The following PLEKHB1 variants were observed in gnomAD, a reference collection of about 807,000 sequenced individuals.
PLEKHB1 encodes pleckstrin homology domain containing B1.
Under a neutral mutation model 36.2 loss-of-function variants are expected in PLEKHB1, and 29 were observed. The ratio of observed to expected loss-of-function variants is 0.80; its 90% CI spans 0.60 to 1.09. The LOEUF is 1.09. PLEKHB1 is among the 50% of genes least tolerant of loss of function. PLEKHB1 has a pLI of 0.00. For synonymous variants in PLEKHB1, 138 were observed against 140.0 expected (o/e 0.99, Z 0.10); for missense variants, 330 against 348.2 (o/e 0.95, Z 0.42).
chr11:73,652,765 G>A (rs1051123356), intron 4 of PLEKHB1: 8 of 512,598 alleles, frequency 1.6e-5, no homozygotes, highest in Non-Finnish European at 2.8e-5. Flanking sequence ...GAGGGGACGA[G>A]AAGAATGAAT....
intron 5 of PLEKHB1, among the ~76,000 whole-genome samples, chr11:73,654,502 G>A (rs1438769218): frequency 6.6e-6 from 1 of 152,202 alleles, no homozygotes; most frequent in South Asian, 2.1e-4. Flanking sequence ...GCTGGGTGGG[G>A]GTTGGTATTA....
intron 5 of PLEKHB1, 85 bp from the exon 6 acceptor site, chr11:73,655,718 A>G (rs1944978829): frequency 2.5e-6 from 3 of 1,206,112 alleles, no homozygotes; most frequent in Admixed American, 3.8e-5. Context: ...GGGTCTGGAA[A>G]GAGCTCTTGA....
intron 5 of PLEKHB1, chr11:73,653,250 T>C: frequency 1.5e-6 from 1 of 658,948 alleles, no homozygotes; most frequent in East Asian, 2.7e-5. Context: ...GCACATGAGC[T>C]GGGGAGAAGG....
chr11:73,661,823 C>A lies in PLEKHB1; in HGVS notation c.*221C>A. ...ACATCGCTTGAAGTCTTCACATCTA[C>A]CACTAGACACCCCCAAAATCTGTTA... On this transcript the variant is annotated 3_prime_UTR_variant, in exon 8 of 8. Coordinates refer to ENST00000354190, the MANE Select transcript of PLEKHB1 (RefSeq NM_021200.3). The surrounding 1 kb of genome is among the most constrained non-coding windows in gnomAD (Gnocchi z 4.6). The A allele has an allele frequency of 1.8e-6, 1 of 541,818 alleles. No individual in the cohort carries two copies. The highest frequency in any genetic ancestry group is 3.1e-6 in the Non-Finnish European group (1 of 317,912). 33.6% of individuals were successfully genotyped at this position (541,818 alleles called of 1,614,324 possible). A position where few individuals can be genotyped will look rare whatever the true frequency, so the allele number is the denominator to read the frequency against.
intron 6 of PLEKHB1, among the ~76,000 whole-genome samples, chr11:73,659,328 A>G (rs1945058191): frequency 6.6e-6 from 1 of 152,104 alleles, no homozygotes; most frequent in South Asian, 2.1e-4. Flanking sequence ...CTGGACTTCT[A>G]AGGGGAGCTG....
At chr11:73,647,615 T>A (rs1020960666) in intron 1 of PLEKHB1, 17 of 985,208 alleles carry the variant, frequency 1.7e-5, no homozygotes, top group Non-Finnish European at 1.8e-5. Context: ...TCTCAGGCGC[T>A]GCGGGAGGAG....
Position 73,661,620 on chromosome 11 carries a change from A to G in PLEKHB1, c.*18A>G. On this transcript the variant is annotated 3_prime_UTR_variant, in exon 8 of 8. Coordinates refer to ENST00000354190, the MANE Select transcript of PLEKHB1 (RefSeq NM_021200.3). This position sits in a 1 kb window ranked among gnomAD's most constrained non-coding sequence, Gnocchi z 4.6. ...GGTTCTGAGCCCTGGGACTCGGAGC[A>G]CTGACCCCTGCGCTTGGATTGCTAG... 1 of 1,558,068 alleles carries G rather than the reference A, an allele frequency of 6.4e-7. No individual in the cohort carries two copies. The highest frequency in any genetic ancestry group is 8.7e-7 in the Non-Finnish European group (1 of 1,154,578).
At chr11:73,648,566 C>A in intron 1 of PLEKHB1, 1 of 928,114 alleles carries the variant, frequency 1.1e-6, no homozygotes, top group Non-Finnish European at 1.3e-6. Context: ...TCTGCACTTC[C>A]ACATTACAGA....
intron 5 of PLEKHB1, among the ~76,000 whole-genome samples, chr11:73,654,422 G>A (rs912549167): frequency 9.2e-5 from 14 of 152,236 alleles, no homozygotes; most frequent in African/African-American, 3.4e-4. Context: ...CACGTCCTGA[G>A]TGCCAGGCAT....
chr11:73,651,429 C>T (rs1195389130), intron 3 of PLEKHB1: 1 of 500,254 alleles, frequency 2.0e-6, no homozygotes, highest in African/African-American at 1.9e-5. Flanking sequence ...AGAGGTGAGC[C>T]AGGCACAGTT....
intron 2 of PLEKHB1, among the ~76,000 whole-genome samples, chr11:73,649,853 C>T (rs1944852668): frequency 6.6e-6 from 1 of 152,164 alleles, no homozygotes; most frequent in South Asian, 2.1e-4. Context: ...GCCATAGCCC[C>T]CAGAGTGGTA....
intron 5 of PLEKHB1, chr11:73,653,320 G>A (rs973395875): frequency 1.6e-5 from 10 of 643,166 alleles, no homozygotes; most frequent in African/African-American, 3.6e-5. Flanking sequence ...CATTCCAGCT[G>A]CTCCTCACAA....
chr11:73,650,935 G>A (rs1053175247), intron 3 of PLEKHB1, among the ~76,000 whole-genome samples: 1 of 151,818 alleles, frequency 6.6e-6, no homozygotes, highest in Non-Finnish European at 1.5e-5. Context: ...TGGCTGAAGC[G>A]GGCGGATCAC....
At chr11:73,657,160 C>T (rs113521302) in intron 6 of PLEKHB1, among the ~76,000 whole-genome samples, 9 of 152,048 alleles carry the variant, frequency 5.9e-5, no homozygotes, top group Admixed American at 6.6e-5. Context: ...AAAATTGTCT[C>T]CTGATGACTC....
intron 1 of PLEKHB1, 27 bp from the exon 2 acceptor site, chr11:73,648,985 C>G: frequency 6.4e-7 from 1 of 1,572,498 alleles, no homozygotes; most frequent in East Asian, 2.3e-5. Context: ...CTGCTGAGGC[C>G]TGTGTCTCCC....
intron 3 of PLEKHB1, among the ~76,000 whole-genome samples, chr11:73,651,187 C>A (rs1295552406): frequency 6.6e-6 from 1 of 151,198 alleles, no homozygotes; most frequent in Non-Finnish European, 1.5e-5. Flanking sequence ...CCGTCTCTAC[C>A]AAAACAAAAA....
rs2134796284 is a variant in PLEKHB1, at chr11:73,649,029, T to C, written c.36T>C (p.Ala12=). 6.3e-7 allele frequency: 1 copy of C among 1,598,662 alleles called. No homozygotes were observed. ...SPAAPVPPDS[A]LESPFEEMAL... Reference sequence around the variant, plus strand: ...TCTGACAGGTCCCGCCTGACTCCGCTCTGGAAAGTCCTTTTGAAGAAATGG... The same window carrying C: ...TCTGACAGGTCCCGCCTGACTCCGCCCTGGAAAGTCCTTTTGAAGAAATGG... The change falls in exon 2 of 8, where the codon GCT becomes GCC. Residue 12 remains alanine (A), a synonymous_variant. Coordinates refer to ENST00000354190, the MANE Select transcript of PLEKHB1 (RefSeq NM_021200.3).
chr11:73,651,914 G>C lies in PLEKHB1; in HGVS notation c.350+24G>C, dbSNP rs761050060. 4.4e-6 allele frequency: 7 copies of C among 1,604,518 alleles called. No individual in the cohort carries two copies. In the African/African-American group the frequency reaches 9.4e-5, roughly 21 times the overall value. ...CTGTGAGTCACTCCCAGGAGAGGATGGGGTGGAATCTCGGGGAAAGTTACC... is the reference window on the plus strand; with the variant it reads ...CTGTGAGTCACTCCCAGGAGAGGATCGGGTGGAATCTCGGGGAAAGTTACC... On this transcript the variant is annotated intron_variant, in intron 4 of 7. Transcript: ENST00000354190.
chr11:73,652,054 G>C (rs1016477635), intron 4 of PLEKHB1, 164 bp downstream of exon 4: 4 of 628,264 alleles, frequency 6.4e-6, no homozygotes, highest in Admixed American at 2.7e-5. Context: ...AAGGGCTTGT[G>C]GTGACTGGCA....
Sources: allele counts gnomAD v4.1 joint callset (sites outside exome capture counted in the v4.1 genomes callset), GRCh38; gene constraint gnomAD v4.1.1; non-coding constraint Gnocchi (gnomAD v3.1); transcripts MANE v1.5; gene names NCBI Gene and HGNC (gene_info 2026-07-23, HGNC 2026-07-21).